Variants in TMTC2 observed in about 807,000 individuals in gnomAD.
TMTC2 encodes the protein protein O-mannosyl-transferase TMTC2.
A neutral mutation model predicts 82.4 loss-of-function variants in TMTC2; 43 were observed. The ratio of observed to expected loss-of-function variants is 0.52; its 90% CI spans 0.41 to 0.67. The LOEUF (loss-of-function observed/expected upper bound fraction) is 0.67. Ranked by LOEUF, TMTC2 falls within the 30% of genes least tolerant of loss-of-function variation. The pLI is 0.00. For missense variants in TMTC2, 919 were observed against 1,012.4 expected, an observed-to-expected ratio of 0.91 and a Z score of 1.25; for synonymous variants, 408 against 381.9, an observed-to-expected ratio of 1.07 and a Z score of -0.80.
At chr12:83,075,947 A>G (rs1394188832) in intron 11 of TMTC2, among the ~76,000 whole-genome samples, 1 of 152,248 alleles carries the variant, frequency 6.6e-6, no homozygotes, top group Non-Finnish European at 1.5e-5. Flanking sequence ...TTGACAAATC[A>G]GAAAAAAATG....
At chr12:82,752,483 C>T (rs921251584) in intron 1 of TMTC2, among the ~76,000 whole-genome samples, 33 of 152,026 alleles carry the variant, frequency 2.2e-4, no homozygotes, top group African/African-American at 8.0e-4. Flanking sequence ...GAGACTCCAT[C>T]TCAAAAACAA....
intron 8 of TMTC2, among the ~76,000 whole-genome samples, chr12:82,991,336 AC>A (rs1430661827): frequency 6.6e-6 from 1 of 152,118 alleles, no homozygotes; most frequent in African/African-American, 2.4e-5. Context: ...TTATTTAGTT[AC>A]TCAATAACTA....
chr12:82,744,673 A>T (rs540009640), intron 1 of TMTC2, among the ~76,000 whole-genome samples: 1 of 152,262 alleles, frequency 6.6e-6, no homozygotes, highest in Non-Finnish European at 1.5e-5. Context: ...GAAATAACAT[A>T]AAGTTTTATG....
intron 9 of TMTC2, among the ~76,000 whole-genome samples, chr12:83,044,445 G>T (rs1033514650): frequency 6.6e-6 from 1 of 152,104 alleles, no homozygotes; most frequent in Non-Finnish European, 1.5e-5. Context: ...AGCTGTGTAG[G>T]CCAGTGTAAG....
intron 1 of TMTC2, among the ~76,000 whole-genome samples, chr12:82,744,397 C>T (rs1409962522): frequency 1.3e-5 from 2 of 151,792 alleles, no homozygotes; most frequent in African/African-American, 2.4e-5. Context: ...CACTTCAGCC[C>T]GGTTGACAGA....
At chr12:82,981,192 C>T (rs1878899394) in intron 7 of TMTC2, among the ~76,000 whole-genome samples, 1 of 151,794 alleles carries the variant, frequency 6.6e-6, no homozygotes, top group East Asian at 1.9e-4. Context: ...TAACAGTGGT[C>T]ACATAGGTTT....
chr12:82,779,381 A>T (rs1265821698), intron 1 of TMTC2, among the ~76,000 whole-genome samples: 1 of 152,112 alleles, frequency 6.6e-6, no homozygotes, highest in Non-Finnish European at 1.5e-5. Flanking sequence ...AGAATGTTTC[A>T]TGCGATAAGC....
intron 1 of TMTC2, among the ~76,000 whole-genome samples, chr12:82,735,065 C>T (rs1323009966): frequency 6.6e-6 from 1 of 152,182 alleles, no homozygotes; most frequent in Non-Finnish European, 1.5e-5. Context: ...CTTATTGAAT[C>T]CTAAACCACA....
At chr12:83,000,222 C>T (rs1879856712) in intron 8 of TMTC2, among the ~76,000 whole-genome samples, 1 of 152,102 alleles carries the variant, frequency 6.6e-6, no homozygotes, top group Non-Finnish European at 1.5e-5. Context: ...GCAACCTCCA[C>T]CTCCCTAGTT....
intron 1 of TMTC2, among the ~76,000 whole-genome samples, chr12:82,774,633 A>ATTTT (rs1211938967): frequency 0.096 from 12,572 of 130,818 alleles, 728 homozygotes; most frequent in Middle Eastern, 0.18. Flanking sequence ...AAAAAGAACA[A>ATTTT]TTTTTTTTTT....
At chr12:82,870,264 G>A (rs1030058438) in intron 2 of TMTC2, among the ~76,000 whole-genome samples, 1 of 152,202 alleles carries the variant, frequency 6.6e-6, no homozygotes, top group African/African-American at 2.4e-5. Flanking sequence ...GCTTCAGATA[G>A]GGTCTCCTTA....
In TMTC2 at chr12:82,690,325, C is replaced by G. The variant is rs183723783; in HGVS notation, c.83+2656C>G. On this transcript the variant is annotated intron_variant, in intron 1 of 11. Coordinates refer to ENST00000321196, the MANE Select transcript of TMTC2 (RefSeq NM_152588.3). ...TGCCCTCCAGGAACTTTTGTGAAAT[C>G]CAGTTCTGTAAGGAGAGGCCAGTGC... The G allele has an allele frequency of 5.3e-5, 52 of 979,942 alleles. No homozygotes were observed. The African/African-American group carries it at 8.6e-4, about 16-fold the overall frequency. 60.7% of individuals were successfully genotyped at this position (979,942 alleles called of 1,614,324 possible).
chr12:83,001,649 A>AG (rs1454730381), intron 8 of TMTC2, among the ~76,000 whole-genome samples: 3 of 151,708 alleles, frequency 2.0e-5, no homozygotes, highest in Middle Eastern at 3.4e-3. Flanking sequence ...AAAAAAAAAA[A>AG]AAAAAGAAAA....
chr12:82,822,016 A>G lies in TMTC2; in HGVS notation c.84-34994A>G, dbSNP rs554134686. On this transcript the variant is annotated intron_variant, in intron 1 of 11. Transcript: ENST00000321196. Reference sequence around the variant, plus strand: ...AAGAAATGAGCTATCAAGTGATGAGAAGACATGGAGGAACCTTAAATGCAT... The same window carrying G: ...AAGAAATGAGCTATCAAGTGATGAGGAGACATGGAGGAACCTTAAATGCAT... Among the ~76,000 whole-genome samples the G allele has an allele frequency of 8.7e-4, 133 of 152,314 alleles. 1 individual carries two copies. Among genetic ancestry groups the G allele is most frequent in the Non-Finnish European group, 1.2e-3 (80 of 68,036 alleles).
intron 1 of TMTC2, among the ~76,000 whole-genome samples, chr12:82,750,153 A>G (rs1026097632): frequency 1.3e-5 from 2 of 151,990 alleles, no homozygotes; most frequent in African/African-American, 4.8e-5. Flanking sequence ...ACTTATTTGT[A>G]GTTTTTTTTC....
At chr12:82,849,715 C>T (rs548185890) in intron 1 of TMTC2, among the ~76,000 whole-genome samples, 1 of 152,202 alleles carries the variant, frequency 6.6e-6, no homozygotes, top group South Asian at 2.1e-4. Context: ...CTTTTGGTTG[C>T]AGATGTCAGA....
At chr12:83,098,204 G>T (rs1006699606) in intron 11 of TMTC2, among the ~76,000 whole-genome samples, 11 of 152,152 alleles carry the variant, frequency 7.2e-5, no homozygotes, top group Admixed American at 4.6e-4. Context: ...ACTGACTCCA[G>T]CCTATCATCC....
chr12:83,119,411 T>C (rs538137396), intron 11 of TMTC2, among the ~76,000 whole-genome samples: 49 of 152,356 alleles, frequency 3.2e-4, no homozygotes, highest in African/African-American at 1.2e-3. Flanking sequence ...TCAATCATCA[T>C]TCAGGATCAG....
intron 8 of TMTC2, among the ~76,000 whole-genome samples, chr12:83,021,630 G>A (rs1880933473): frequency 6.6e-6 from 1 of 151,840 alleles, no homozygotes; most frequent in South Asian, 2.1e-4. Context: ...AGTCATCTTT[G>A]ACTCTTCTTT....
Sources: gnomAD v4.1 joint callset for allele counts (sites outside exome capture counted in the v4.1 genomes callset) on GRCh38, gnomAD v4.1.1 for gene constraint, MANE v1.5 for transcripts, NCBI Gene and HGNC (gene_info 2026-07-23, HGNC 2026-07-21) for gene names.